Variants in SMC6 observed in about 807,000 individuals in gnomAD.
SMC6 encodes the protein structural maintenance of chromosomes protein 6.
A neutral mutation model predicts 142.2 loss-of-function variants in SMC6; 79 were observed. That is an observed-to-expected ratio of 0.56 (90% CI 0.46 to 0.67). The LOEUF is 0.67. SMC6 is among the 30% of genes least tolerant of loss of function. The pLI is 0.00. For synonymous variants in SMC6, 411 were observed against 412.4 expected (o/e 1.00, Z 0.04); for missense variants, 1,072 against 1,284.0 (o/e 0.83, Z 2.52).
chr2:17,744,813 T>C (rs1184858145), intron 3 of SMC6, among the ~76,000 whole-genome samples: 5 of 152,228 alleles, frequency 3.3e-5, no homozygotes, highest in Non-Finnish European at 5.9e-5. Flanking sequence ...ATCAAACACT[T>C]TTGCTGCACT....
chr2:17,702,692 T>C (rs954991344), intron 19 of SMC6, among the ~76,000 whole-genome samples: 2 of 152,138 alleles, frequency 1.3e-5, no homozygotes, highest in African/African-American at 4.8e-5. Flanking sequence ...TGGAGGCAGC[T>C]TCCCCCCTAC....
At chr2:17,691,313 GGTGTGTGT>G (rs770630585) in intron 23 of SMC6, among the ~76,000 whole-genome samples, 3 of 101,670 alleles carry the variant, frequency 3.0e-5, no homozygotes, top group African/African-American at 9.2e-5. Context: ...ATAGTATTCT[GGTGTGTGT>G]GTGTGTGTGT....
At chr2:17,701,219 T>C (rs1318270462) in intron 20 of SMC6, among the ~76,000 whole-genome samples, 1 of 152,204 alleles carries the variant, frequency 6.6e-6, no homozygotes, top group South Asian at 2.1e-4. Flanking sequence ...CACTGCTGTA[T>C]TCCTTAGCAG....
At chr2:17,672,375 GTA>G (rs1378100772) in intron 25 of SMC6, among the ~76,000 whole-genome samples, 1 of 152,090 alleles carries the variant, frequency 6.6e-6, no homozygotes, top group Non-Finnish European at 1.5e-5. Context: ...GAGTTGTTTT[GTA>G]TAGTTAGCTG....
At chr2:17,707,436 A>G in intron 17 of SMC6, 57 bp from the exon 18 acceptor site, 1 of 1,179,744 alleles carries the variant, frequency 8.5e-7, no homozygotes, top group East Asian at 2.9e-5. Flanking sequence ...TTTCTGATGT[A>G]CAGAATTTCA....
chr2:17,746,609 T>C (rs866356584), intron 2 of SMC6, among the ~76,000 whole-genome samples: 14 of 152,168 alleles, frequency 9.2e-5, no homozygotes, highest in African/African-American at 3.4e-4. Flanking sequence ...AAAGTCCAGG[T>C]TGATTGTCTA....
intron 18 of SMC6, among the ~76,000 whole-genome samples, chr2:17,705,202 G>C (rs551599846): frequency 3.4e-4 from 52 of 152,218 alleles, no homozygotes; most frequent in Admixed American, 3.4e-3. Flanking sequence ...AGGTTGCAGT[G>C]AGCCAAGATT....
intron 25 of SMC6, among the ~76,000 whole-genome samples, chr2:17,671,039 T>G (rs1210695782): frequency 1.3e-5 from 2 of 150,600 alleles, no homozygotes; most frequent in African/African-American, 2.4e-5. Context: ...TTTTTGTGTT[T>G]TTTTTTTTTT....
At chr2:17,683,454 T>C (rs1244301720) in intron 24 of SMC6, among the ~76,000 whole-genome samples, 184 bp downstream of exon 24, 1 of 152,174 alleles carries the variant, frequency 6.6e-6, no homozygotes. Flanking sequence ...AGTGGAAAAG[T>C]TGGATAAGCT....
At position 17,736,179 on chromosome 2, in the gene SMC6, T is replaced by C. The variant is rs560448353; in HGVS notation, c.344+2042A>G. Among the ~76,000 whole-genome samples the C allele has an allele frequency of 2.4e-3, 369 of 152,338 alleles. 5 individuals are homozygous for C. Among genetic ancestry groups the C allele is most frequent in the Middle Eastern group, 0.01 (3 of 294 alleles). On this transcript the variant is annotated intron_variant, in intron 5 of 27. Coordinates refer to ENST00000448223, the MANE Select transcript of SMC6 (RefSeq NM_001142286.2). ...GAACAATAAAGATGTGGAAAAACTC[T>C]GCTTTTCGTTAGTTTTTTAGACAGA...
At chr2:17,666,212 G>A (rs1403680331) in intron 27 of SMC6, among the ~76,000 whole-genome samples, 2 of 152,158 alleles carry the variant, frequency 1.3e-5, no homozygotes, top group Admixed American at 1.3e-4. Flanking sequence ...GTAACAACTT[G>A]CTTCAGTTAT....
rs527259620 is a variant in SMC6, at chr2:17,677,029, C to A, written c.2910+1830G>T. Among the ~76,000 whole-genome samples the A allele has an allele frequency of 2.0e-5, 3 of 151,832 alleles. No homozygotes were observed. The South Asian group carries it at 6.2e-4, about 32-fold the overall frequency. ...TACTTCTTCTGTTCCAATATACATGCCTTTAGTTCTTTTTCTGGGCTAACT... is the reference window on the plus strand; with the variant it reads ...TACTTCTTCTGTTCCAATATACATGACTTTAGTTCTTTTTCTGGGCTAACT... On this transcript the variant is annotated intron_variant, in intron 25 of 27. Transcript: ENST00000448223.
rs115586200 is a variant in SMC6 at position 17,737,983 on chromosome 2, C to T, written c.344+238G>A. Reference sequence around the variant, plus strand: ...CATTTCTTTCAGCAAGTAACAGAAGCAAGATGGCCAGGCACAGGGCAATAG... The same window carrying T: ...CATTTCTTTCAGCAAGTAACAGAAGTAAGATGGCCAGGCACAGGGCAATAG... On this transcript the variant is annotated intron_variant, in intron 5 of 27. Coordinates refer to ENST00000448223, the MANE Select transcript of SMC6 (RefSeq NM_001142286.2). Among the ~76,000 whole-genome samples, 416 of 152,214 alleles carry T rather than the reference C, an allele frequency of 2.7e-3. 3 individuals carry two copies. Among genetic ancestry groups the T allele is most frequent in the African/African-American group, 9.3e-3 (387 of 41,544 alleles).
At chr2:17,685,655 C>T (rs1432756392) in intron 23 of SMC6, among the ~76,000 whole-genome samples, 1 of 151,494 alleles carries the variant, frequency 6.6e-6, no homozygotes, top group African/African-American at 2.4e-5. Flanking sequence ...ACTAAAAAAT[C>T]ATAGGTAATT....
intron 8 of SMC6, 77 bp downstream of exon 8, chr2:17,726,312 T>TGAGCAATA: frequency 9.3e-7 from 1 of 1,074,668 alleles, no homozygotes; most frequent in Non-Finnish European, 1.3e-6. Context: ...CTCCATTATG[T>TGAGCAATA]GAGCAATAAT....
chr2:17,679,865 G>A (rs1197130450), intron 24 of SMC6: 2 of 152,162 alleles, frequency 1.3e-5, no homozygotes, highest in African/African-American at 4.8e-5. Context: ...TGCATGGTAA[G>A]TCACTGGCTG....
intron 26 of SMC6, among the ~76,000 whole-genome samples, chr2:17,668,768 C>A (rs1666620259): frequency 1.3e-5 from 2 of 152,116 alleles, no homozygotes; most frequent in South Asian, 2.1e-4. Context: ...GGCAGAGGCA[C>A]CATGTTTGGA....
At chr2:17,737,364 A>G (rs963092930) in intron 5 of SMC6, among the ~76,000 whole-genome samples, 39 of 152,242 alleles carry the variant, frequency 2.6e-4, no homozygotes, top group African/African-American at 9.4e-4. Flanking sequence ...GAAAGTTTCA[A>G]AAGTTCTCCG....
chr2:17,677,352 G>A (rs1175002119), intron 25 of SMC6, among the ~76,000 whole-genome samples: 2 of 151,894 alleles, frequency 1.3e-5, no homozygotes, highest in African/African-American at 2.4e-5. Context: ...CTGTTCCTTG[G>A]GCCAACTGTG....
Sources: allele counts gnomAD v4.1 joint callset (sites outside exome capture counted in the v4.1 genomes callset), GRCh38; gene constraint gnomAD v4.1.1; transcripts MANE v1.5; gene names NCBI Gene and HGNC (gene_info 2026-07-23, HGNC 2026-07-21).